Variants in OCA2 observed in about 807,000 individuals in gnomAD.
OCA2 encodes the protein P protein.
Under a neutral mutation model 100.2 loss-of-function variants are expected in OCA2, and 77 were observed. That is an observed-to-expected ratio of 0.77 (90% CI 0.64 to 0.93). The LOEUF (loss-of-function observed/expected upper bound fraction) is 0.93. Among genes scored for constraint, OCA2 ranks in the 40% least tolerant of loss-of-function variants. OCA2 has a pLI of 0.00. For synonymous variants in OCA2, 432 were observed against 439.2 expected (o/e 0.98, Z 0.21); for missense variants, 1,062 against 1,089.1 (o/e 0.98, Z 0.35).
intron 18 of OCA2, among the ~76,000 whole-genome samples, chr15:27,932,216 T>C (rs1454313233): frequency 6.6e-6 from 1 of 152,206 alleles, no homozygotes; most frequent in Non-Finnish European, 1.5e-5. Context: ...AGCAGCATTA[T>C]TCACAAACTA....
At chr15:27,847,535 GAGGAGGCCAAAGAC>G (rs1261074432) in intron 22 of OCA2, among the ~76,000 whole-genome samples, 4 of 152,310 alleles carry the variant, frequency 2.6e-5, no homozygotes, top group East Asian at 1.9e-4. Flanking sequence ...AGGCCCTGGA[GAGGAGGCCAAAGAC>G]AGGAGGCCAC....
intron 1 of OCA2, among the ~76,000 whole-genome samples, chr15:28,091,665 A>T (rs1390194576): frequency 6.6e-6 from 1 of 152,218 alleles, no homozygotes; most frequent in Non-Finnish European, 1.5e-5. Context: ...CTAAAAGTGG[A>T]AAGCACCCGG....
intron 2 of OCA2, among the ~76,000 whole-genome samples, chr15:28,072,391 C>A (rs1248466847): frequency 6.6e-6 from 1 of 152,072 alleles, no homozygotes; most frequent in Non-Finnish European, 1.5e-5. Context: ...AGATCAAGAC[C>A]ATCCTGGCTA....
At chr15:27,794,354 C>A (rs999808121) in intron 23 of OCA2, among the ~76,000 whole-genome samples, 1 of 152,168 alleles carries the variant, frequency 6.6e-6, no homozygotes, top group African/African-American at 2.4e-5. Flanking sequence ...GGAGGACTTG[C>A]TGCACCCATT....
intron 2 of OCA2, among the ~76,000 whole-genome samples, chr15:28,048,180 T>C (rs2043399763): frequency 6.6e-6 from 1 of 152,212 alleles, no homozygotes; most frequent in African/African-American, 2.4e-5. Flanking sequence ...ATGTCATTAA[T>C]ATTTTAATAC....
chr15:28,025,039 A>T, intron 4 of OCA2, 137 bp from the exon 5 acceptor site: 25 of 803,156 alleles, frequency 3.1e-5, no homozygotes, highest in Non-Finnish European at 4.9e-5. Context: ...GATATGAGGG[A>T]GAACACCCTC....
intron 23 of OCA2, among the ~76,000 whole-genome samples, chr15:27,812,222 T>A (rs1029503615): frequency 1.3e-5 from 2 of 152,210 alleles, no homozygotes; most frequent in Non-Finnish European, 2.9e-5. Context: ...CTTCTGCCCA[T>A]AAAACTACCC....
chr15:27,915,598 AT>A (rs140411965), intron 19 of OCA2, among the ~76,000 whole-genome samples: 6,116 of 152,334 alleles, frequency 0.04, 414 homozygotes, highest in African/African-American at 0.14. Context: ...CAACAAGCAT[AT>A]GAACAAATGC....
the OCA2 span, among the ~76,000 whole-genome samples, chr15:27,736,530 C>A: frequency 1.3e-4 from 20 of 152,150 alleles, no homozygotes; most frequent in Non-Finnish European, 2.9e-4. Context: ...AAATAAAAAC[C>A]AGGTCTATCC....
intron 19 of OCA2, among the ~76,000 whole-genome samples, chr15:27,890,236 T>A (rs2037398911): frequency 6.6e-6 from 1 of 152,274 alleles, no homozygotes; most frequent in Non-Finnish European, 1.5e-5. Flanking sequence ...AATATTCATG[T>A]CACTGGAGTA....
In OCA2 at chr15:28,089,548, C is replaced by T. The variant is rs191197070; in HGVS notation, c.-21-7653G>A. On this transcript the variant is annotated intron_variant, in intron 1 of 23. Coordinates refer to ENST00000354638, the MANE Select transcript of OCA2 (RefSeq NM_000275.3). ...CCTCCATTCGGGGTCCCTGACTTCC[C>T]GCAACAACAAATCAAAATGGAATTC... 4.9e-4 allele frequency among the ~76,000 whole-genome samples: 75 copies of T among 152,196 alleles called. No individual in the cohort carries two copies. In the East Asian group the frequency reaches 5.6e-3, roughly 11 times the overall value.
chr15:27,945,743 C>T (rs1193286950), intron 18 of OCA2, among the ~76,000 whole-genome samples: 1 of 152,124 alleles, frequency 6.6e-6, no homozygotes, highest in Non-Finnish European at 1.5e-5. Flanking sequence ...GAAATAATGA[C>T]GGAAAATTTT....
chr15:28,054,428 C>A (rs148775151), intron 2 of OCA2, among the ~76,000 whole-genome samples: 132 of 152,288 alleles, frequency 8.7e-4, no homozygotes, highest in African/African-American at 3.0e-3. Context: ...TGTTTGTGGC[C>A]AAGAGGAGCC....
rs373656035 is a variant in OCA2, at chr15:27,955,962, A to G, written c.1785-747T>C. ...TGAAGAATGCAGTTTTAGTATCAAA[A>G]GAGGCTGACCACACAGGCAGTCTGG... On this transcript the variant is annotated intron_variant, in intron 16 of 23. Coordinates refer to ENST00000354638, the MANE Select transcript of OCA2 (RefSeq NM_000275.3). Among the ~76,000 whole-genome samples, 235 of 152,336 alleles carry G rather than the reference A, an allele frequency of 1.5e-3. 1 individual carries two copies. Among genetic ancestry groups the G allele is most frequent in the African/African-American group, 5.4e-3 (224 of 41,570 alleles).
intron 9 of OCA2, among the ~76,000 whole-genome samples, chr15:28,008,558 A>G (rs776971474): frequency 7.9e-5 from 12 of 152,208 alleles, no homozygotes; most frequent in Non-Finnish European, 1.3e-4. Flanking sequence ...GTCCTAGCCA[A>G]TGGAAACCAG....
intron 17 of OCA2, among the ~76,000 whole-genome samples, chr15:27,953,955 T>C (rs368808079): frequency 1.3e-5 from 2 of 152,046 alleles, no homozygotes; most frequent in South Asian, 2.1e-4. Context: ...ATATCATTCT[T>C]ATGCCTTTGT....
At chr15:27,875,386 G>A (rs1272501720) in intron 19 of OCA2, among the ~76,000 whole-genome samples, 1 of 152,050 alleles carries the variant, frequency 6.6e-6, no homozygotes, top group Non-Finnish European at 1.5e-5. Context: ...TCTTTTGCCA[G>A]GACCACAGTC....
At chr15:27,857,491 T>C (rs1028923665) in intron 21 of OCA2, among the ~76,000 whole-genome samples, 1 of 152,128 alleles carries the variant, frequency 6.6e-6, no homozygotes, top group Non-Finnish European at 1.5e-5. Flanking sequence ...GTGGTGATAG[T>C]TGTACAATAA....
chr15:27,993,405 C>T (rs1416676955), intron 9 of OCA2, among the ~76,000 whole-genome samples: 2 of 152,136 alleles, frequency 1.3e-5, no homozygotes, highest in Non-Finnish European at 2.9e-5. Flanking sequence ...TTTTCTTACT[C>T]CAGAGCACCT....
Sources: gnomAD v4.1 joint callset for allele counts (sites outside exome capture counted in the v4.1 genomes callset) on GRCh38, gnomAD v4.1.1 for gene constraint, MANE v1.5 for transcripts, NCBI Gene and HGNC (gene_info 2026-07-23, HGNC 2026-07-21) for gene names.